Variants in SQOR observed in about 807,000 individuals in gnomAD.
SQOR encodes the protein sulfide quinone oxidoreductase, also known as sulfide:quinone oxidoreductase, mitochondrial.
SQOR carries 39 observed loss-of-function variants against 48.6 expected under a neutral mutation model. That is an observed-to-expected ratio of 0.80 (90% CI 0.62 to 1.05). The LOEUF is 1.05. Ranked by LOEUF, SQOR falls within the 50% of genes least tolerant of loss-of-function variation. SQOR has a pLI of 0.00. For missense variants in SQOR, 561 were observed against 559.9 expected (o/e 1.00, Z -0.02); for synonymous variants, 220 against 206.2 (o/e 1.07, Z -0.57).
intron 6 of SQOR, among the ~76,000 whole-genome samples, chr15:45,677,177 TCTTCCTTCCTTC>T (rs146339178): frequency 6.6e-6 from 1 of 151,932 alleles, no homozygotes; most frequent in Non-Finnish European, 1.5e-5. Flanking sequence ...TCATTTGATT[TCTTCCTTCCTTC>T]CTTCCTTCCT....
intron 3 of SQOR, among the ~76,000 whole-genome samples, chr15:45,662,673 C>A (rs1049695558): frequency 6.6e-6 from 1 of 152,218 alleles, no homozygotes; most frequent in Non-Finnish European, 1.5e-5. Context: ...AAGTCTCCCA[C>A]CCTCACCACT....
intron 1 of SQOR, among the ~76,000 whole-genome samples, chr15:45,643,614 T>A (rs1367794048): frequency 2.6e-5 from 4 of 152,198 alleles, no homozygotes; most frequent in Non-Finnish European, 5.9e-5. Context: ...TCGTATATCA[T>A]TTGCGCAGGT....
intron 3 of SQOR, among the ~76,000 whole-genome samples, chr15:45,666,524 A>C (rs1044056781): frequency 6.6e-6 from 1 of 152,190 alleles, no homozygotes; most frequent in Non-Finnish European, 1.5e-5. Context: ...GTGAGTGTTA[A>C]ATGAATGAAA....
chr15:45,676,111 G>A lies in SQOR; in HGVS notation c.665G>A (p.Arg222Gln), dbSNP rs755803670. Residue 222 changes from arginine (R) to glutamine (Q), a missense_variant, in exon 6 of 10, where the codon CGA becomes CAA. Arg to Gln is a conservative substitution (Grantham distance 43). Coordinates refer to ENST00000260324, the MANE Select transcript of SQOR (RefSeq NM_021199.4). ...TCTTATTTTTCTCAGACAGGGAAGC[G>A]ATCCAAGGCCAATATCATTTTCAAC... Reference protein sequence around the residue: ...SEAYFRKTGKRSKANIIFNTS... With the variant: ...SEAYFRKTGKQSKANIIFNTS... The A allele has an allele frequency of 6.8e-6, 11 of 1,613,182 alleles. No homozygotes were observed. In the African/African-American group the frequency reaches 9.4e-5, roughly 14 times the overall value.
At chr15:45,654,603 G>A (rs1384965071) in intron 1 of SQOR, among the ~76,000 whole-genome samples, 1 of 152,216 alleles carries the variant, frequency 6.6e-6, no homozygotes, top group African/African-American at 2.4e-5. Context: ...AAGGGAGCTA[G>A]TGAAGTGGCT....
At chr15:45,681,278 A>T (rs904170926) in intron 6 of SQOR, among the ~76,000 whole-genome samples, 1 of 152,214 alleles carries the variant, frequency 6.6e-6, no homozygotes, top group Non-Finnish European at 1.5e-5. Context: ...TGACCATTTC[A>T]TCCATTATCC....
intron 1 of SQOR, among the ~76,000 whole-genome samples, chr15:45,651,823 T>C (rs904550802): frequency 4.6e-5 from 7 of 152,048 alleles, no homozygotes; most frequent in African/African-American, 1.7e-4. Context: ...GTGGCTGCAT[T>C]CTCCTGTATC....
intron 8 of SQOR, 50 bp downstream of exon 8, chr15:45,688,454 G>A (rs1196282112): frequency 7.6e-7 from 1 of 1,311,790 alleles, no homozygotes; most frequent in Non-Finnish European, 1.1e-6. Flanking sequence ...CTTCCATTCT[G>A]TGTAAAAGTA....
Position 45,689,118 on chromosome 15 carries a change from C to T in SQOR, c.1196C>T (p.Pro399Leu), listed in dbSNP as rs200731125. 20 of 1,614,164 alleles carry T rather than the reference C, an allele frequency of 1.2e-5. No homozygotes were observed. In the Middle Eastern group the frequency reaches 4.9e-4, roughly 40 times the overall value. ...GCTGAGTTTGACTACAAAGCAGAGC[C>T]GCTAGAAACCTTCCCCTTTGATCAA... The part of the protein sequence containing the change: ...ILAEFDYKAE[P>L]LETFPFDQSK... The change falls in exon 9 of 10, where the codon CCG (proline) becomes CTG (leucine). Residue 399 changes from proline to leucine, a missense_variant. Transcript: ENST00000260324.
chr15:45,665,024 C>T (rs1168571778), intron 3 of SQOR, among the ~76,000 whole-genome samples: 2 of 152,132 alleles, frequency 1.3e-5, no homozygotes, highest in Non-Finnish European at 2.9e-5. Context: ...TCTCATATCA[C>T]ACACAGCATC....
At chr15:45,675,054 G>C (rs1368884601) in intron 5 of SQOR, among the ~76,000 whole-genome samples, 1 of 152,202 alleles carries the variant, frequency 6.6e-6, no homozygotes, top group Non-Finnish European at 1.5e-5. Flanking sequence ...CTGACCCCAA[G>C]AAAGTTCATT....
At chr15:45,682,720 T>G in intron 7 of SQOR, 59 bp downstream of exon 7, 1 of 1,581,112 alleles carries the variant, frequency 6.3e-7, no homozygotes, top group East Asian at 2.2e-5. Context: ...AAGGCATGAT[T>G]GTAACAAAAA....
chr15:45,662,593 G>T (rs534312878), intron 3 of SQOR, among the ~76,000 whole-genome samples: 1 of 152,334 alleles, frequency 6.6e-6, no homozygotes, highest in Admixed American at 6.5e-5. Context: ...CTGTGACTCT[G>T]AGGTTCATGC....
chr15:45,645,668 G>T (rs1895191805), intron 1 of SQOR, among the ~76,000 whole-genome samples: 1 of 152,320 alleles, frequency 6.6e-6, no homozygotes, highest in East Asian at 1.9e-4. Context: ...TGTGTCTTGA[G>T]CTGGCCTTGA....
chr15:45,643,567 C>G (rs1488085274), intron 1 of SQOR, among the ~76,000 whole-genome samples: 1 of 152,190 alleles, frequency 6.6e-6, no homozygotes, highest in Admixed American at 6.5e-5. Flanking sequence ...CAAAGATACA[C>G]TTACATATTT....
At chr15:45,686,152 A>T (rs890795804) in intron 7 of SQOR, among the ~76,000 whole-genome samples, 2 of 150,014 alleles carry the variant, frequency 1.3e-5, no homozygotes, top group African/African-American at 4.9e-5. Context: ...GGCCTCATTT[A>T]ATATATATAT....
chr15:45,666,058 C>G (rs546758052), intron 3 of SQOR, among the ~76,000 whole-genome samples: 13 of 152,302 alleles, frequency 8.5e-5, no homozygotes, highest in Admixed American at 7.8e-4. Flanking sequence ...CCAGGCTTAA[C>G]CTGGTTCTAT....
At chr15:45,655,273 G>A (rs1021636824) in intron 1 of SQOR, among the ~76,000 whole-genome samples, 9 of 152,178 alleles carry the variant, frequency 5.9e-5, no homozygotes, top group Non-Finnish European at 1.0e-4. Flanking sequence ...GCCCCATGGG[G>A]CGCTTCCTAT....
Position 45,676,118 on chromosome 15 carries a change from G to A in SQOR, c.672G>A (p.Lys224=), listed in dbSNP as rs1038093971. 5.6e-6 allele frequency: 9 copies of A among 1,613,846 alleles called. No individual in the cohort carries two copies. The highest frequency in any genetic ancestry group is 7.6e-6 in the Non-Finnish European group (9 of 1,180,012). ...AYFRKTGKRS[K]ANIIFNTSLG... The stretch of plus-strand genomic sequence containing the variant: ...TTTCTCAGACAGGGAAGCGATCCAA[G>A]GCCAATATCATTTTCAACACTTCTC... Residue 224 remains lysine (K), a synonymous_variant, in exon 6 of 10, where the codon AAG becomes AAA. Transcript: ENST00000260324.
Sources: allele counts gnomAD v4.1 joint callset (sites outside exome capture counted in the v4.1 genomes callset), GRCh38; gene constraint gnomAD v4.1.1; transcripts MANE v1.5; gene names NCBI Gene and HGNC (gene_info 2026-07-23, HGNC 2026-07-21).